Variants in PCDH9 observed in about 807,000 individuals in gnomAD.
PCDH9 encodes protocadherin-9.
Under a neutral mutation model 70.6 loss-of-function variants are expected in PCDH9, and 24 were observed. The observed-to-expected ratio is 0.34, with a 90% CI of 0.25 to 0.48. PCDH9 has a LOEUF of 0.48. PCDH9 is among the 20% of genes least tolerant of loss of function. The probability of loss-of-function intolerance (pLI) is 0.99; values close to 1 mark genes in which losing one functional copy is unlikely to be tolerated. For missense variants in PCDH9, 1,281 were observed against 1,503.6 expected (o/e 0.85, Z 2.45); for synonymous variants, 562 against 558.5 (o/e 1.01, Z -0.09).
At chr13:66,910,459 C>A (rs532577283) in intron 2 of PCDH9, among the ~76,000 whole-genome samples, 4 of 152,058 alleles carry the variant, frequency 2.6e-5, no homozygotes, top group Non-Finnish European at 5.9e-5. Flanking sequence ...CAATTCCCTA[C>A]CTTATGGTAC....
At chr13:66,707,946 C>G (rs2078733901) in intron 3 of PCDH9, among the ~76,000 whole-genome samples, 1 of 152,212 alleles carries the variant, frequency 6.6e-6, no homozygotes, top group Non-Finnish European at 1.5e-5. Flanking sequence ...ATTTTCATAT[C>G]AATTCTCAGT....
At chr13:67,154,702 A>G (rs1231348728) in intron 2 of PCDH9, among the ~76,000 whole-genome samples, 1 of 136,866 alleles carries the variant, frequency 7.3e-6, no homozygotes, top group Non-Finnish European at 1.6e-5. Context: ...TTTGATCTGT[A>G]ATCTTTTTTT....
intron 2 of PCDH9, among the ~76,000 whole-genome samples, chr13:67,161,603 T>C (rs57091770): frequency 0.062 from 9,385 of 152,274 alleles, 441 homozygotes; most frequent in African/African-American, 0.11. Context: ...AGGTCATACA[T>C]AGACTCACAT....
chr13:66,404,737 T>A (rs541712201), intron 4 of PCDH9, among the ~76,000 whole-genome samples: 86 of 152,282 alleles, frequency 5.6e-4, no homozygotes, highest in African/African-American at 2.0e-3. Flanking sequence ...AGAGTAGAAC[T>A]AAATAATATT....
At chr13:67,172,586 G>A (rs1384769201) in intron 2 of PCDH9, among the ~76,000 whole-genome samples, 1 of 152,008 alleles carries the variant, frequency 6.6e-6, no homozygotes, top group Non-Finnish European at 1.5e-5. Context: ...ATTCAAGAAT[G>A]GATGGTTTTG....
chr13:66,797,614 A>C (rs1447095121), intron 3 of PCDH9, among the ~76,000 whole-genome samples: 1 of 152,306 alleles, frequency 6.6e-6, no homozygotes, highest in Admixed American at 6.5e-5. Flanking sequence ...AATAAAACAC[A>C]TGTGATACTT....
chr13:66,686,346 C>T (rs2078401582), intron 3 of PCDH9, among the ~76,000 whole-genome samples: 1 of 152,108 alleles, frequency 6.6e-6, no homozygotes, highest in African/African-American at 2.4e-5. Context: ...GATGTGTTTG[C>T]TTCCCCTTCA....
chr13:66,362,022 T>G (rs573674041), intron 4 of PCDH9, among the ~76,000 whole-genome samples: 1 of 152,320 alleles, frequency 6.6e-6, no homozygotes, highest in Non-Finnish European at 1.5e-5. Context: ...AAGTTTTATT[T>G]TAAATCCCTG....
chr13:66,899,311 T>C (rs1458280635), intron 3 of PCDH9, among the ~76,000 whole-genome samples: 2 of 152,028 alleles, frequency 1.3e-5, no homozygotes, highest in Non-Finnish European at 2.9e-5. Context: ...ATGAATTTCA[T>C]ACTCATGATA....
intron 3 of PCDH9, among the ~76,000 whole-genome samples, chr13:66,718,987 T>C (rs2078906848): frequency 6.6e-6 from 1 of 152,226 alleles, no homozygotes; most frequent in African/African-American, 2.4e-5. Flanking sequence ...TCAAGAACAT[T>C]GTTGAGTTAT....
chr13:66,315,481 C>CT (rs1235867842), intron 4 of PCDH9, among the ~76,000 whole-genome samples: 107 of 149,484 alleles, frequency 7.2e-4, no homozygotes, highest in Admixed American at 8.0e-4. Context: ...AAGCCACTCT[C>CT]TTTTTTTTTT....
chr13:66,602,854 T>G (rs2077180175), intron 4 of PCDH9, among the ~76,000 whole-genome samples: 1 of 145,768 alleles, frequency 6.9e-6, no homozygotes, highest in Non-Finnish European at 1.5e-5. Flanking sequence ...TCTTTTATAC[T>G]GTATGTTTAC....
At chr13:66,837,427 T>C (rs1052044705) in intron 3 of PCDH9, among the ~76,000 whole-genome samples, 1 of 152,088 alleles carries the variant, frequency 6.6e-6, no homozygotes, top group South Asian at 2.1e-4. Flanking sequence ...GGCAAAAACA[T>C]ACGGTGGAGC....
chr13:66,368,916 C>A (rs1343391338), intron 4 of PCDH9, among the ~76,000 whole-genome samples: 1 of 152,074 alleles, frequency 6.6e-6, no homozygotes, highest in Non-Finnish European at 1.5e-5. Flanking sequence ...ATGAGAACGG[C>A]ATGGGAAAGA....
intron 4 of PCDH9, among the ~76,000 whole-genome samples, chr13:66,434,502 T>C (rs1483836778): frequency 6.6e-6 from 1 of 152,044 alleles, no homozygotes; most frequent in Non-Finnish European, 1.5e-5. Context: ...AGGATATCCC[T>C]GTTGTGTTCA....
chr13:67,000,583 CG>C (rs1376056942), intron 2 of PCDH9, among the ~76,000 whole-genome samples: 3 of 150,374 alleles, frequency 2.0e-5, no homozygotes, highest in African/African-American at 7.3e-5. Flanking sequence ...TACAAAAATT[CG>C]AAAAAAAGAA....
At chr13:66,885,862 T>C (rs576601926) in intron 3 of PCDH9, 7 of 152,324 alleles carry the variant, frequency 4.6e-5, no homozygotes, top group Non-Finnish European at 7.4e-5. Flanking sequence ...CTCACGAAAC[T>C]GTTTTCTTTA....
chr13:67,052,693 G>T (rs1392270454), intron 2 of PCDH9, among the ~76,000 whole-genome samples: 1 of 152,044 alleles, frequency 6.6e-6, no homozygotes, highest in Admixed American at 6.6e-5. Flanking sequence ...GGTTGACTTA[G>T]GGAAGTGAGA....
chr13:66,988,844 C>A (rs1418783175), intron 2 of PCDH9, among the ~76,000 whole-genome samples: 1 of 151,974 alleles, frequency 6.6e-6, no homozygotes, highest in East Asian at 1.9e-4. Flanking sequence ...GGTCTTGCTA[C>A]TCTTTATCCA....
Sources: gnomAD v4.1 joint callset for allele counts (sites outside exome capture counted in the v4.1 genomes callset) on GRCh38, gnomAD v4.1.1 for gene constraint, MANE v1.5 for transcripts, NCBI Gene and HGNC (gene_info 2026-07-23, HGNC 2026-07-21) for gene names.